Variants in ARHGAP1 observed in about 807,000 individuals in gnomAD.
The protein encoded by ARHGAP1 is rho GTPase-activating protein 1.
ARHGAP1 carries 23 observed loss-of-function variants against 52.2 expected under a neutral mutation model. The ratio of observed to expected loss-of-function variants is 0.44; its 90% CI spans 0.32 to 0.62. ARHGAP1 has a LOEUF of 0.62. Ranked by LOEUF, ARHGAP1 falls within the 20% of genes least tolerant of loss-of-function variation. ARHGAP1 has a pLI of 0.05. For missense variants in ARHGAP1, 480 were observed against 560.9 expected (o/e 0.86, Z 1.46); for synonymous variants, 210 against 228.4 (o/e 0.92, Z 0.73).
intron 4 of ARHGAP1, among the ~76,000 whole-genome samples, chr11:46,686,017 G>A (rs1318609723): frequency 6.8e-6 from 1 of 148,032 alleles, no homozygotes; most frequent in Non-Finnish European, 1.5e-5. Context: ...TGTCACCCAG[G>A]CTGCAGTGAA....
intron 4 of ARHGAP1, among the ~76,000 whole-genome samples, chr11:46,684,098 C>G (rs967356634): frequency 3.9e-5 from 6 of 152,198 alleles, no homozygotes; most frequent in African/African-American, 7.2e-5. Flanking sequence ...CTAACCCAGA[C>G]AGAGTATGCT....
At chr11:46,688,290 G>A (rs762423728) in intron 3 of ARHGAP1, 30 bp from the exon 4 acceptor site, 66 of 1,591,108 alleles carry the variant, frequency 4.1e-5, no homozygotes, top group Non-Finnish European at 5.1e-5. Context: ...GAGCACAGTG[G>A]GTTGAAGGGG....
Position 46,680,709 on chromosome 11 carries a change from G to A in ARHGAP1, c.674C>T (p.Ala225Val), listed in dbSNP as rs200224571. 103 of 1,579,912 alleles carry A rather than the reference G, an allele frequency of 6.5e-5. No homozygotes were observed. In the Middle Eastern group the frequency reaches 1.9e-3, roughly 29 times the overall value. ...DFLKSTQKSP[A>V]TAPKPMPPRP... ...TGGGGGCATGGGCTTGGGGGCTGTC[G>A]CGGGGCTCTTCTGTGTGGATTTCAG... The change falls in exon 8 of 13, where the codon GCG becomes GTG. Residue 225 changes from alanine to valine, a missense_variant. By Grantham distance (64) the Ala-to-Val change is moderately conservative (BLOSUM62 0). Transcript: ENST00000311956. This position sits in a 1 kb window ranked among gnomAD's most constrained non-coding sequence, Gnocchi z 5.9.
chr11:46,679,479 A>G lies in ARHGAP1; in HGVS notation c.1028-11T>C. 1.2e-6 allele frequency: 2 copies of G among 1,613,374 alleles called. No homozygotes were observed. Among genetic ancestry groups the G allele is most frequent in the Middle Eastern group, 1.7e-4 (1 of 6,060 alleles). On this transcript the variant is annotated splice_polypyrimidine_tract_variant and intron_variant, in intron 11 of 12. Transcript: ENST00000311956. The surrounding 1 kb of genome is among the most constrained non-coding windows in gnomAD (Gnocchi z 4.4). ...GGCTTTCATCAATGTCTATGAGGAA[A>G]GGAGGCCCGGGTTATAGGGGCCCTA...
intron 3 of ARHGAP1, among the ~76,000 whole-genome samples, chr11:46,694,240 C>G (rs1057387480): frequency 4.6e-5 from 7 of 152,034 alleles, no homozygotes; most frequent in African/African-American, 1.7e-4. Context: ...CACACAGCCT[C>G]CCCCACCCCC....
In ARHGAP1 at chr11:46,678,863, C is replaced by T. The variant is rs1414296809; in HGVS notation, c.*174G>A. 5 of 702,780 alleles carry T rather than the reference C, an allele frequency of 7.1e-6. No individual in the cohort carries two copies. The Admixed American group carries it at 1.5e-4, about 21-fold the overall frequency. 43.5% of individuals were successfully genotyped at this position (702,780 alleles called of 1,614,324 possible). On this transcript the variant is annotated 3_prime_UTR_variant, in exon 13 of 13. Transcript: ENST00000311956. ...AGTGTAAGGCAGAGAAAAACGTCTT[C>T]TGGTAACAGCGAGGCCGCCAGGGCC...
Position 46,679,946 on chromosome 11 carries a change from G to T in ARHGAP1, c.899-170C>A. 8.3e-7 allele frequency: 1 copy of T among 1,202,708 alleles called. No homozygotes were observed. The highest frequency in any genetic ancestry group is 1.1e-6 in the Non-Finnish European group (1 of 879,122). 74.5% of individuals were successfully genotyped at this position (1,202,708 alleles called of 1,614,324 possible). On this transcript the variant is annotated intron_variant, in intron 10 of 12. Transcript: ENST00000311956. The surrounding 1 kb of genome is among the most constrained non-coding windows in gnomAD (Gnocchi z 4.4). ...TCTTCCTCTGTGATCAGAGAATGCA[G>T]GTTCCGGCCATCTGGGGAAGTGGGG...
chr11:46,698,512 G>A (rs2064674551), intron 1 of ARHGAP1, among the ~76,000 whole-genome samples: 2 of 151,872 alleles, frequency 1.3e-5, no homozygotes, highest in South Asian at 4.1e-4. Context: ...GGTGGCTGAG[G>A]CAGGAGAATC....
rs537815366 is a variant in ARHGAP1 at position 46,681,193 on chromosome 11, C to A, written c.537-84G>T. ...CCCCTCAACACCCACCCAGTTCAGACGGAAGCCCAGCCGCACCTGGTGGTC... is the reference window on the plus strand; with the variant it reads ...CCCCTCAACACCCACCCAGTTCAGAAGGAAGCCCAGCCGCACCTGGTGGTC... On this transcript the variant is annotated intron_variant, in intron 6 of 12. Coordinates refer to ENST00000311956, the MANE Select transcript of ARHGAP1 (RefSeq NM_004308.5). This position sits in a 1 kb window ranked among gnomAD's most constrained non-coding sequence, Gnocchi z 5.7. 2 of 1,540,542 alleles carry A rather than the reference C, an allele frequency of 1.3e-6. No homozygotes were observed. The highest frequency in any genetic ancestry group is 3.3e-5 in the Admixed American group (2 of 59,728).
Position 46,677,763 on chromosome 11 carries a change from A to G in ARHGAP1, c.*1274T>C, listed in dbSNP as rs2064489743. 1 of 303,474 alleles carries G rather than the reference A, an allele frequency of 3.3e-6. No homozygotes were observed. The highest frequency in any genetic ancestry group is 6.5e-6 in the Non-Finnish European group (1 of 154,402). 18.8% of individuals were successfully genotyped at this position (303,474 alleles called of 1,614,324 possible). On this transcript the variant is annotated 3_prime_UTR_variant, in exon 13 of 13. Transcript: ENST00000311956. ...TCAGGAGATCGAGACCATCCTGGCCAACATGGTGAAACCCCGTCTCTACTA... is the reference window on the plus strand; with the variant it reads ...TCAGGAGATCGAGACCATCCTGGCCGACATGGTGAAACCCCGTCTCTACTA...
intron 3 of ARHGAP1, among the ~76,000 whole-genome samples, chr11:46,693,952 T>A (rs752937529): frequency 8.5e-5 from 13 of 152,216 alleles, no homozygotes; most frequent in South Asian, 4.1e-4. Context: ...CCACTGGGAC[T>A]GAGCCAAATC....
chr11:46,696,042 C>T lies in ARHGAP1; in HGVS notation c.66G>A (p.Gln22=), dbSNP rs1421798352. Residue 22 remains glutamine (Q), a synonymous_variant, in exon 2 of 13, where the codon CAG becomes CAA. Coordinates refer to ENST00000311956, the MANE Select transcript of ARHGAP1 (RefSeq NM_004308.5). The surrounding 1 kb of genome is among the most constrained non-coding windows in gnomAD (Gnocchi z 4.8). The part of the protein sequence containing the change: ...TLDDTSEALN[Q]LKLASIDEKN... ...TCTCATCGATGGAGGCCAGCTTCAG[C>T]TGGTTCAGAGCCTCGCTGGTGTCAT... is the stretch of plus-strand genomic sequence containing the variant. The T allele has an allele frequency of 6.2e-7, 1 of 1,614,050 alleles. No homozygotes were observed. Among genetic ancestry groups the T allele is most frequent in the East Asian group, 2.2e-5 (1 of 44,872 alleles).
rs759394372 is a variant in ARHGAP1, at chr11:46,680,213, T to C, written c.890A>G (p.Tyr297Cys). ...TQVVREVQQK[Y>C]NMGLPVDFDQ... ...AGCCCAGGGCTGCTCACCCATGTTG[T>C]ACTTCTGCTGCACTTCCCGGACCAC... The change falls in exon 10 of 13, where the codon TAC (tyrosine) becomes TGC (cysteine). Residue 297 changes from tyrosine (Y) to cysteine (C), a missense_variant. Physicochemically the swap from Tyr to Cys is radical, Grantham distance 194 (BLOSUM62 -2). Transcript: ENST00000311956. The surrounding 1 kb of genome is among the most constrained non-coding windows in gnomAD (Gnocchi z 5.9). The C allele has an allele frequency of 8.7e-6, 14 of 1,613,994 alleles. No individual in the cohort carries two copies. Among genetic ancestry groups the C allele is most frequent in the East Asian group, 2.2e-5 (1 of 44,878 alleles).
In ARHGAP1 at chr11:46,677,863, T is replaced by C. The variant is rs925692108; in HGVS notation, c.*1174A>G. 2.0e-5 allele frequency: 8 copies of C among 398,612 alleles called. No individual in the cohort carries two copies. The highest frequency in any genetic ancestry group is 8.7e-5 in the African/African-American group (4 of 46,234). The allele number at this position is 398,612 out of a possible 1,614,324, so 24.7% of individuals were successfully genotyped here. On this transcript the variant is annotated 3_prime_UTR_variant, in exon 13 of 13. Coordinates refer to ENST00000311956, the MANE Select transcript of ARHGAP1 (RefSeq NM_004308.5). ...TACTCAGGAGGCTGAGGCAGGAGAATTGCTTGAACCCAGAAGGCGGAGGTG... is the reference window on the plus strand; with the variant it reads ...TACTCAGGAGGCTGAGGCAGGAGAACTGCTTGAACCCAGAAGGCGGAGGTG...
intron 3 of ARHGAP1, among the ~76,000 whole-genome samples, chr11:46,689,853 T>A (rs562014454): frequency 1.1e-3 from 163 of 152,284 alleles, no homozygotes; most frequent in African/African-American, 3.5e-3. Flanking sequence ...CCTCAATTTT[T>A]AAAAAATGCT....
rs549354963 is a variant in ARHGAP1, at chr11:46,679,523, C to A, written c.1028-55G>T. On this transcript the variant is annotated intron_variant, in intron 11 of 12. Coordinates refer to ENST00000311956, the MANE Select transcript of ARHGAP1 (RefSeq NM_004308.5). The surrounding 1 kb of genome is among the most constrained non-coding windows in gnomAD (Gnocchi z 4.4). ...GGCCCTAGGCTGGGCTGGTTCAGGACGCTCTGATGCAGGCTAGAGGGGAGA... is the reference window on the plus strand; with the variant it reads ...GGCCCTAGGCTGGGCTGGTTCAGGAAGCTCTGATGCAGGCTAGAGGGGAGA... 40 of 1,608,284 alleles carry A rather than the reference C, an allele frequency of 2.5e-5. No individual in the cohort carries two copies. The South Asian group carries it at 4.3e-4, about 17-fold the overall frequency.
chr11:46,689,902 T>G (rs754169645), intron 3 of ARHGAP1, among the ~76,000 whole-genome samples: 11 of 152,216 alleles, frequency 7.2e-5, no homozygotes, highest in Non-Finnish European at 1.2e-4. Flanking sequence ...AGTCATCTTA[T>G]AAGTCTACAC....
Position 46,677,677 on chromosome 11 carries a change from T to C in ARHGAP1, c.*1360A>G, listed in dbSNP as rs10734547. On this transcript the variant is annotated 3_prime_UTR_variant, in exon 13 of 13. Coordinates refer to ENST00000311956, the MANE Select transcript of ARHGAP1 (RefSeq NM_004308.5). ...TTGAAAGACAACAGGGCTGGCCGGGTGCAGTGGCTCACGCCTGGAATCCCA... is the reference window on the plus strand; with the variant it reads ...TTGAAAGACAACAGGGCTGGCCGGGCGCAGTGGCTCACGCCTGGAATCCCA... 1 allele frequency: 247,979 copies of C among 248,086 alleles called. 123,936 individuals carry two copies. The highest frequency in any genetic ancestry group is 1 in the Middle Eastern group (634 of 634). 15.4% of individuals were successfully genotyped at this position (248,086 alleles called of 1,614,324 possible).
chr11:46,693,300 C>CT (rs754512339), intron 3 of ARHGAP1, among the ~76,000 whole-genome samples: 197 of 143,730 alleles, frequency 1.4e-3, no homozygotes, highest in Middle Eastern at 3.6e-3. Flanking sequence ...CCTGGCTGCA[C>CT]TTTTTTTTTT....
Sources: allele counts gnomAD v4.1 joint callset (sites outside exome capture counted in the v4.1 genomes callset), GRCh38; gene constraint gnomAD v4.1.1; non-coding constraint Gnocchi (gnomAD v3.1); transcripts MANE v1.5; gene names NCBI Gene and HGNC (gene_info 2026-07-23, HGNC 2026-07-21).